The following PAMR1 variants were observed in gnomAD, a reference collection of about 807,000 sequenced individuals.
PAMR1 encodes the protein inactive serine protease PAMR1.
PAMR1 carries 88 observed loss-of-function variants against 81.8 expected under a neutral mutation model. The ratio of observed to expected loss-of-function variants is 1.08; its 90% confidence interval spans 0.91 to 1.28. The LOEUF is 1.28. PAMR1 is among the 50% of genes most tolerant of loss of function. PAMR1 has a pLI of 0.00. For synonymous variants in PAMR1, 336 were observed against 345.3 expected (o/e 0.97, Z 0.30); for missense variants, 935 against 919.7 (o/e 1.02, Z -0.21).
chr11:35,433,427 A>C (rs1216462186), intron 10 of PAMR1, among the ~76,000 whole-genome samples: 1 of 152,246 alleles, frequency 6.6e-6, no homozygotes, highest in African/African-American at 2.4e-5. Context: ...ACTTTTCCAC[A>C]AAGTCTTCCC....
intron 1 of PAMR1, among the ~76,000 whole-genome samples, chr11:35,525,244 C>T (rs1366946948): frequency 6.6e-6 from 1 of 152,168 alleles, no homozygotes; most frequent in African/African-American, 2.4e-5. Flanking sequence ...AAAATAGGAG[C>T]TGGTCCGCTT....
At chr11:35,453,275 G>T (rs1856457359) in intron 6 of PAMR1, 2 of 152,154 alleles carry the variant, frequency 1.3e-5, no homozygotes, top group South Asian at 4.1e-4. Context: ...AAGTACAAAA[G>T]CCCATTGTTG....
At chr11:35,471,606 G>T (rs868726945) in intron 4 of PAMR1, among the ~76,000 whole-genome samples, 22 of 152,290 alleles carry the variant, frequency 1.4e-4, no homozygotes, top group African/African-American at 5.3e-4. Context: ...CCAAAGAGTA[G>T]AGAAAGTAGC....
At chr11:35,503,175 G>C (rs628393) in intron 1 of PAMR1, among the ~76,000 whole-genome samples, 47,484 of 151,756 alleles carry the variant, frequency 0.31, 7,505 homozygotes, top group African/African-American at 0.37. Flanking sequence ...TCTGGGTTCT[G>C]TATTCTGTTT....
rs1390691852 is a variant in PAMR1, at chr11:35,466,509, C to T, written c.820+1492G>A. Among the ~76,000 whole-genome samples, 4 of 152,074 alleles carry T rather than the reference C, an allele frequency of 2.6e-5. No homozygotes were observed. The South Asian group carries it at 6.2e-4, about 24-fold the overall frequency. ...TTGGGAGGCCGAGGCGGGTGGATCA[C>T]GAGGTCAGGAGATCAAGACCATCCT... On this transcript the variant is annotated intron_variant, in intron 6 of 10. Coordinates refer to ENST00000619888, the MANE Select transcript of PAMR1 (RefSeq NM_001001991.3).
At chr11:35,495,181 C>T (rs116302349) in intron 1 of PAMR1, among the ~76,000 whole-genome samples, 2,461 of 152,240 alleles carry the variant, frequency 0.016, 65 homozygotes, top group African/African-American at 0.057. Context: ...AGTTTTTCAG[C>T]GTGCCATTTT....
At chr11:35,455,797 A>AT (rs988566983) in intron 6 of PAMR1, among the ~76,000 whole-genome samples, 1 of 152,156 alleles carries the variant, frequency 6.6e-6, no homozygotes, top group African/African-American at 2.4e-5. Context: ...TAATATAGAA[A>AT]TTTTTTATTT....
chr11:35,498,276 G>A (rs1386225859), intron 1 of PAMR1, among the ~76,000 whole-genome samples: 1 of 152,148 alleles, frequency 6.6e-6, no homozygotes, highest in African/African-American at 2.4e-5. Context: ...GAGTGAGAGA[G>A]AACAAATTGG....
Position 35,434,741 on chromosome 11 carries a change from G to T in PAMR1, c.1397C>A (p.Ala466Glu), listed in dbSNP as rs1412462947. The T allele has an allele frequency of 1.2e-6, 2 of 1,614,124 alleles. No individual in the cohort carries two copies. Among genetic ancestry groups the T allele is most frequent in the Non-Finnish European group, 1.7e-6 (2 of 1,180,030 alleles). Reference protein sequence around the residue: ...KTQGLRWPWQAAIYRRTSGVH... With the variant: ...KTQGLRWPWQEAIYRRTSGVH... ...CCCGCTGGTCCTCCTGTAGATGGCT[G>T]CCTGCCACGGCCAGCGCAACCCTTG... is the stretch of plus-strand genomic sequence containing the variant. Residue 466 changes from alanine to glutamate, a missense_variant, in exon 10 of 11, where the codon GCA (alanine) becomes GAA (glutamate). By Grantham distance (107) the Ala-to-Glu change is moderately radical. Transcript: ENST00000619888.
Position 35,512,403 on chromosome 11 carries a change from G to A in PAMR1, c.73+13110C>T, listed in dbSNP as rs560367747. 1.3e-4 allele frequency among the ~76,000 whole-genome samples: 20 copies of A among 152,226 alleles called. 1 individual carries two copies. Among genetic ancestry groups the A allele is most frequent in the Admixed American group, 7.9e-4 (12 of 15,278 alleles). The stretch of plus-strand genomic sequence containing the variant: ...GTAAATAAATTGCCCCAGGTAACAC[G>A]GCTTTCAGGTGAAAAGAAAGATCAG... On this transcript the variant is annotated intron_variant, in intron 1 of 10. Transcript: ENST00000619888.
intron 1 of PAMR1, among the ~76,000 whole-genome samples, chr11:35,509,636 C>T (rs1244010402): frequency 6.6e-6 from 1 of 152,176 alleles, no homozygotes; most frequent in African/African-American, 2.4e-5. Context: ...TTTAACCCAA[C>T]TCCTTCACTT....
At chr11:35,443,464 G>A (rs886792912) in intron 6 of PAMR1, among the ~76,000 whole-genome samples, 5 of 152,066 alleles carry the variant, frequency 3.3e-5, no homozygotes, top group Non-Finnish European at 5.9e-5. Flanking sequence ...CCAGTGTTTC[G>A]TTTTCTGTTC....
intron 2 of PAMR1, among the ~76,000 whole-genome samples, chr11:35,492,826 G>T (rs1590372171): frequency 6.6e-6 from 1 of 152,146 alleles, no homozygotes; most frequent in Non-Finnish European, 1.5e-5. Flanking sequence ...TCCCCAACAA[G>T]GACCAGTTTA....
intron 3 of PAMR1, among the ~76,000 whole-genome samples, chr11:35,480,585 G>A (rs901793770): frequency 4.6e-5 from 7 of 152,074 alleles, no homozygotes; most frequent in Admixed American, 3.3e-4. Flanking sequence ...GCATTTTTCA[G>A]TTCTAGGATT....
chr11:35,494,674 C>G (rs642327), intron 1 of PAMR1, among the ~76,000 whole-genome samples: 71,852 of 152,004 alleles, frequency 0.47, 17,885 homozygotes, highest in African/African-American at 0.62. Context: ...TGCTAAGAGG[C>G]AACCTTGCCC....
At chr11:35,440,724 TC>T (rs1856147223) in intron 7 of PAMR1, among the ~76,000 whole-genome samples, 1 of 152,214 alleles carries the variant, frequency 6.6e-6, no homozygotes, top group African/African-American at 2.4e-5. Context: ...CACTTTTCTG[TC>T]CAACCTACAT....
chr11:35,450,662 C>T (rs192921816), intron 6 of PAMR1, among the ~76,000 whole-genome samples: 5 of 152,280 alleles, frequency 3.3e-5, no homozygotes, highest in Admixed American at 3.3e-4. Flanking sequence ...GTCTCAAAAA[C>T]ATAATATGTT....
In PAMR1 at chr11:35,432,396, A is replaced by G; in HGVS notation, c.2123T>C (p.Val708Ala). 1 of 1,613,810 alleles carries G rather than the reference A, an allele frequency of 6.2e-7. No homozygotes were observed. Among genetic ancestry groups the G allele is most frequent in the Non-Finnish European group, 8.5e-7 (1 of 1,180,028 alleles). ...SHRLSTAFTKVLPFKDWIERN... is the reference protein window; with the variant it reads ...SHRLSTAFTKALPFKDWIERN... ...TTCAATCCAGTCTTTAAAAGGCAGC[A>G]CCTTGGTGAAGGCAGTGGAGAGCCT... Residue 708 changes from valine to alanine, a missense_variant, in exon 11 of 11, where the codon GTG (valine) becomes GCG (alanine). By Grantham distance (64) the Val-to-Ala change is moderately conservative (BLOSUM62 0). Coordinates refer to ENST00000619888, the MANE Select transcript of PAMR1 (RefSeq NM_001001991.3).
At chr11:35,516,303 C>A (rs1219565576) in intron 1 of PAMR1, among the ~76,000 whole-genome samples, 1 of 152,196 alleles carries the variant, frequency 6.6e-6, no homozygotes, top group Non-Finnish European at 1.5e-5. Context: ...TACATATACA[C>A]ACACAAATAT....
Sources: allele counts gnomAD v4.1 joint callset (sites outside exome capture counted in the v4.1 genomes callset), GRCh38; gene constraint gnomAD v4.1.1; transcripts MANE v1.5; gene names NCBI Gene and HGNC (gene_info 2026-07-23, HGNC 2026-07-21).